The following MSH4 variants were observed in gnomAD, a reference collection of about 807,000 sequenced individuals.
The protein encoded by MSH4 is mutS homolog 4.
A neutral mutation model predicts 113.7 loss-of-function variants in MSH4; 106 were observed. That is an observed-to-expected ratio of 0.93 (90% CI 0.80 to 1.10). The LOEUF (loss-of-function observed/expected upper bound fraction) is 1.10, where lower values mean the gene tolerates loss of function less well. MSH4 is among the 50% of genes least tolerant of loss of function. The pLI is 0.00. For synonymous variants in MSH4, 368 were observed against 380.2 expected (o/e 0.97, Z 0.37); for missense variants, 1,061 against 1,093.7 (o/e 0.97, Z 0.42).
At chr1:75,907,759 GT>G (rs149333036) in intron 19 of MSH4, among the ~76,000 whole-genome samples, 7 of 127,342 alleles carry the variant, frequency 5.5e-5, no homozygotes, top group African/African-American at 1.5e-4. Context: ...CTTTCATTCT[GT>G]TTTTTTTTCC....
At chr1:75,900,446 C>T (rs540657407) in intron 19 of MSH4, among the ~76,000 whole-genome samples, 2 of 151,602 alleles carry the variant, frequency 1.3e-5, no homozygotes, top group South Asian at 2.1e-4. Context: ...GGATTACAAG[C>T]GCCCACCACC....
chr1:75,881,358 C>T lies in MSH4; in HGVS notation c.1894C>T (p.Leu632Phe), dbSNP rs1205053580. The T allele has an allele frequency of 1.2e-6, 2 of 1,611,222 alleles. No homozygotes were observed. The highest frequency in any genetic ancestry group is 1.3e-5 in the African/African-American group (1 of 74,822). Residue 632 changes from leucine to phenylalanine, a missense_variant, in exon 14 of 20, where the codon CTT becomes TTT. Physicochemically the swap from Leu to Phe is conservative, Grantham distance 22. Transcript: ENST00000263187. ...MLLSFAHACTLSDYVRPEFTD... is the reference protein window; with the variant it reads ...MLLSFAHACTFSDYVRPEFTD... The stretch of plus-strand genomic sequence containing the variant: ...ACTGTCATTTGCTCATGCCTGCACT[C>T]TTTCTGACTATGGTAAGTTGCTTTC...
chr1:75,802,393 G>A (rs1649957804), intron 1 of MSH4, among the ~76,000 whole-genome samples: 2 of 152,062 alleles, frequency 1.3e-5, no homozygotes, highest in Non-Finnish European at 2.9e-5. Context: ...AAAAGGAGAT[G>A]GCAAAGGAAA....
intron 8 of MSH4, among the ~76,000 whole-genome samples, chr1:75,854,539 G>A (rs1001826818): frequency 2.0e-5 from 3 of 152,082 alleles, no homozygotes; most frequent in Non-Finnish European, 4.4e-5. Flanking sequence ...TAGACCTTCA[G>A]TTTAAATGGC....
Position 75,889,236 on chromosome 1 carries a change from C to T in MSH4, c.2108-15C>T, listed in dbSNP as rs1652197554. 8.8e-7 allele frequency: 1 copy of T among 1,134,056 alleles called. No homozygotes were observed. The highest frequency in any genetic ancestry group is 1.3e-6 in the Non-Finnish European group (1 of 764,294). The allele number at this position is 1,134,056 out of a possible 1,614,324, so 70.2% of individuals were successfully genotyped here. On this transcript the variant is annotated splice_polypyrimidine_tract_variant and intron_variant, in intron 15 of 19. Transcript: ENST00000263187. ...ATAAACACATTTCAGTTTATCTTGA[C>T]CTTATATTTTACAGGATCATATGTT... is the stretch of plus-strand genomic sequence containing the variant.
intron 18 of MSH4, among the ~76,000 whole-genome samples, chr1:75,899,141 C>T (rs943840733): frequency 6.6e-6 from 1 of 152,054 alleles, no homozygotes; most frequent in Non-Finnish European, 1.5e-5. Context: ...ATAATTGATC[C>T]TTTGAATTTG....
chr1:75,821,359 A>G (rs1324285398), intron 6 of MSH4, among the ~76,000 whole-genome samples: 1 of 151,980 alleles, frequency 6.6e-6, no homozygotes, highest in Non-Finnish European at 1.5e-5. Flanking sequence ...GAAACCAACG[A>G]GAACAAAGAC....
intron 16 of MSH4, among the ~76,000 whole-genome samples, chr1:75,889,987 C>T (rs1237060240): frequency 4.6e-5 from 7 of 151,922 alleles, no homozygotes; most frequent in Non-Finnish European, 8.8e-5. Context: ...TATTGAATAT[C>T]TATAATAGAT....
chr1:75,893,671 A>T (rs1288254994), intron 17 of MSH4, among the ~76,000 whole-genome samples: 2 of 152,200 alleles, frequency 1.3e-5, no homozygotes, highest in African/African-American at 4.8e-5. Context: ...AAATGTGACT[A>T]TAAGGAGATA....
chr1:75,837,494 C>A (rs1372120460), intron 7 of MSH4, among the ~76,000 whole-genome samples: 2 of 147,052 alleles, frequency 1.4e-5, no homozygotes, highest in Non-Finnish European at 3.0e-5. Context: ...TCAAGTGATT[C>A]TCTTGCCTCA....
In MSH4 at chr1:75,803,686, A is replaced by C. The variant is rs574513698; in HGVS notation, c.245-45A>C. 3 of 1,364,378 alleles carry C rather than the reference A, an allele frequency of 2.2e-6. No individual in the cohort carries two copies. The South Asian group carries it at 4.5e-5, about 20-fold the overall frequency. 84.5% of individuals were successfully genotyped at this position (1,364,378 alleles called of 1,614,324 possible). A position where few individuals can be genotyped will look rare whatever the true frequency, so the allele number is the denominator to read the frequency against. ...ATTATAATGACTAATACATCATTGC[A>C]TAATTCAAATCTTTAAGAATTGACT... On this transcript the variant is annotated intron_variant, in intron 1 of 19. Transcript: ENST00000263187.
chr1:75,882,277 G>A (rs1277231471), intron 14 of MSH4, among the ~76,000 whole-genome samples: 3 of 151,940 alleles, frequency 2.0e-5, no homozygotes, highest in Non-Finnish European at 1.5e-5. Context: ...GGATCATTCT[G>A]AAACTCCATA....
chr1:75,814,826 G>A (rs990862788), intron 4 of MSH4, among the ~76,000 whole-genome samples, 195 bp from the exon 5 acceptor site: 3 of 151,990 alleles, frequency 2.0e-5, no homozygotes, highest in Non-Finnish European at 2.9e-5. Context: ...GGTCTAATAA[G>A]AGATACAAAC....
At position 75,797,042 on chromosome 1, in the gene MSH4, G is replaced by C. The variant is rs762240878; in HGVS notation, c.57G>C (p.Ser19=). The C allele has an allele frequency of 1.9e-6, 3 of 1,614,074 alleles. No homozygotes were observed. The Admixed American group carries it at 5.0e-5, about 27-fold the overall frequency. The change falls in exon 1 of 20, where the codon TCG becomes TCC. Residue 19 remains serine (S), a synonymous_variant. Coordinates refer to ENST00000263187, the MANE Select transcript of MSH4 (RefSeq NM_002440.4). ...TSPSAPAVSP[S]SGETRSPQGP... is the part of the protein sequence containing the mutation. The stretch of plus-strand genomic sequence containing the variant: ...CTTCTGCCCCGGCGGTTTCCCCGTC[G>C]TCGGGAGAAACCCGCTCACCTCAGG...
rs1199550591 is a variant in MSH4 at position 75,816,298 on chromosome 1, T to C, written c.816-75T>C. The C allele has an allele frequency of 3.0e-6, 3 of 1,015,980 alleles. No individual in the cohort carries two copies. In the East Asian group the frequency reaches 8.8e-5, roughly 30 times the overall value. 62.9% of individuals were successfully genotyped at this position (1,015,980 alleles called of 1,614,324 possible). ...TTAAGCAATGCTATGCAAATATTTA[T>C]AATTTTTCTTAAGGGGAAATAGATA... On this transcript the variant is annotated intron_variant, in intron 5 of 19. Coordinates refer to ENST00000263187, the MANE Select transcript of MSH4 (RefSeq NM_002440.4).
chr1:75,811,625 A>G (rs1008143145), intron 4 of MSH4, among the ~76,000 whole-genome samples: 1 of 152,344 alleles, frequency 6.6e-6, no homozygotes, highest in Non-Finnish European at 1.5e-5. Context: ...TCTAGTGTCT[A>G]TCTGTAGGAC....
chr1:75,853,863 C>G (rs1361784825), intron 8 of MSH4, among the ~76,000 whole-genome samples: 3 of 151,620 alleles, frequency 2.0e-5, no homozygotes, highest in Non-Finnish European at 4.4e-5. Flanking sequence ...TCCTTGGTAG[C>G]CTTTGAATCA....
At chr1:75,846,221 C>T (rs533318073) in intron 7 of MSH4, among the ~76,000 whole-genome samples, 1 of 152,276 alleles carries the variant, frequency 6.6e-6, no homozygotes, top group South Asian at 2.1e-4. Flanking sequence ...TCATTGTTTT[C>T]ATGAATAGAA....
intron 3 of MSH4, among the ~76,000 whole-genome samples, chr1:75,808,567 T>C (rs1467828297): frequency 6.6e-6 from 1 of 152,192 alleles, no homozygotes; most frequent in East Asian, 1.9e-4. Context: ...CTTTTGGTAT[T>C]GGGGTTCTGG....
Sources: allele counts gnomAD v4.1 joint callset (sites outside exome capture counted in the v4.1 genomes callset), GRCh38; gene constraint gnomAD v4.1.1; transcripts MANE v1.5; gene names NCBI Gene and HGNC (gene_info 2026-07-23, HGNC 2026-07-21).